Variants in CASK observed in about 807,000 individuals in gnomAD.
CASK encodes the protein calcium/calmodulin dependent serine protein kinase, also known as peripheral plasma membrane protein CASK.
In CASK, 4 loss-of-function variants were observed where a neutral mutation model predicts 82.9. The observed-to-expected ratio is 0.05, with a 90% CI of 0.02 to 0.11. The LOEUF is 0.11. CASK is among the 10% of genes least tolerant of loss of function. The pLI, the probability that CASK is intolerant of heterozygous loss-of-function variation, is 1.00. For synonymous variants in CASK, 259 were observed against 253.5 expected, an observed-to-expected ratio of 1.02 and a Z score of -0.20; for missense variants, 358 against 720.9, an observed-to-expected ratio of 0.50 and a Z score of 5.76.
intron 5 of CASK, among the ~76,000 whole-genome samples, chrX:41,708,540 G>A (rs1442028775): frequency 1.8e-5 from 2 of 111,995 alleles, no homozygotes; most frequent in Non-Finnish European, 3.8e-5. Flanking sequence ...GGGCAGATGA[G>A]TGGCACCGGG....
chrX:41,895,003 C>T (rs1414584664), intron 1 of CASK, among the ~76,000 whole-genome samples: 1 of 111,479 alleles, frequency 9.0e-6, no homozygotes, highest in Non-Finnish European at 1.9e-5. Flanking sequence ...ACTTCTCTAT[C>T]CTATTGCTCC....
chrX:41,694,727 T>C (rs1248626826), intron 5 of CASK, among the ~76,000 whole-genome samples: 1 of 111,983 alleles, frequency 8.9e-6, no homozygotes, highest in Non-Finnish European at 1.9e-5. Context: ...TGTCCAGTGA[T>C]ACAAGAGTCT....
At chrX:41,808,198 CAA>C (rs1480813451) in intron 2 of CASK, among the ~76,000 whole-genome samples, 1 of 111,829 alleles carries the variant, frequency 8.9e-6, no homozygotes, top group Non-Finnish European at 1.9e-5. Flanking sequence ...GTTACAACGG[CAA>C]TTAAATTTCA....
At chrX:41,791,185 A>G (rs765428006) in intron 2 of CASK, among the ~76,000 whole-genome samples, 6 of 109,343 alleles carry the variant, frequency 5.5e-5, no homozygotes, top group Non-Finnish European at 1.1e-4. Context: ...CTTTTGTGGA[A>G]CGGGTGGTGT....
chrX:41,886,368 G>A (rs945812435), intron 1 of CASK, among the ~76,000 whole-genome samples: 2 of 111,615 alleles, frequency 1.8e-5, no homozygotes, highest in Admixed American at 9.5e-5. Context: ...CCCTCGGAAC[G>A]TCTAGAATGT....
chrX:41,870,252 G>C (rs776204812), intron 1 of CASK, among the ~76,000 whole-genome samples: 2 of 111,777 alleles, frequency 1.8e-5, no homozygotes, highest in Admixed American at 9.4e-5. Context: ...GTAATAAAAG[G>C]ACAGAGTATC....
At chrX:41,581,889 G>A (rs2065585678) in intron 14 of CASK, among the ~76,000 whole-genome samples, 1 of 111,289 alleles carries the variant, frequency 9.0e-6, no homozygotes, top group Non-Finnish European at 1.9e-5. Context: ...AGGAGCATAG[G>A]CTTTGGCGCT....
In CASK at chrX:41,675,773, T is replaced by C. The variant is rs747873043; in HGVS notation, c.430-4243A>G. On this transcript the variant is annotated intron_variant, in intron 5 of 26. Coordinates refer to ENST00000378163, the MANE Select transcript of CASK (RefSeq NM_001367721.1). ...GAAGGCCGGTTAATTTTCCCCTCCTTCTCCTGCTTCAGCTTCGTCTCCTTG... is the reference window on the plus strand; with the variant it reads ...GAAGGCCGGTTAATTTTCCCCTCCTCCTCCTGCTTCAGCTTCGTCTCCTTG... The C allele has an allele frequency of 1.0e-3, 1,207 of 1,201,564 alleles. 2 individuals are homozygous for C. The highest frequency in any genetic ancestry group is 1.1e-3 in the Admixed American group (52 of 45,808).
intron 8 of CASK, among the ~76,000 whole-genome samples, chrX:41,657,999 T>C (rs910031628): frequency 5.4e-5 from 6 of 110,354 alleles, no homozygotes; most frequent in Non-Finnish European, 7.6e-5. Flanking sequence ...CAATGGCCGA[T>C]GGTTTAATCA....
rs1038067273 is a variant in CASK, at chrX:41,516,090, C to T, written c.*4330G>A. ...AGAGCTAAGACTTAGGAGTGCTGGC[C>T]CCAGAGATGGTGCGGCCCTCTTTCT... is the stretch of plus-strand genomic sequence containing the variant. On this transcript the variant is annotated 3_prime_UTR_variant, in exon 27 of 27. Transcript: ENST00000378163. The T allele has an allele frequency of 8.9e-6, 1 of 112,443 alleles. No individual in the cohort carries two copies. Among genetic ancestry groups the T allele is most frequent in the Admixed American group, 9.4e-5 (1 of 10,629 alleles). 9.3% of individuals were successfully genotyped at this position (112,443 alleles called of 1,213,427 possible). A position where few individuals can be genotyped will look rare whatever the true frequency, so the allele number is the denominator to read the frequency against.
chrX:41,877,763 T>A (rs2071853665), intron 1 of CASK, among the ~76,000 whole-genome samples: 1 of 111,496 alleles, frequency 9.0e-6, no homozygotes, highest in African/African-American at 3.3e-5. Flanking sequence ...TAAGAAATCA[T>A]TTAACAATTC....
chrX:41,795,399 G>A (rs761638310), intron 2 of CASK, among the ~76,000 whole-genome samples: 12 of 112,167 alleles, frequency 1.1e-4, no homozygotes, highest in Non-Finnish European at 1.5e-4. Context: ...ACGGTAGCTC[G>A]TGCCTGTAAT....
intron 1 of CASK, among the ~76,000 whole-genome samples, chrX:41,915,255 A>C (rs2072653721): frequency 8.9e-6 from 1 of 111,810 alleles, no homozygotes; most frequent in African/African-American, 3.3e-5. Flanking sequence ...CAGCATTTCA[A>C]GCAATGTAAA....
chrX:41,823,490 A>C (rs1389676677), intron 2 of CASK, among the ~76,000 whole-genome samples: 2 of 109,879 alleles, frequency 1.8e-5, no homozygotes, highest in Non-Finnish European at 3.8e-5. Context: ...TCCTATATTT[A>C]TTTTCCCTGC....
chrX:41,700,861 T>C (rs2067780517), intron 5 of CASK, among the ~76,000 whole-genome samples: 1 of 94,546 alleles, frequency 1.1e-5, no homozygotes, highest in Non-Finnish European at 2.0e-5. Flanking sequence ...ATTACAGGCA[T>C]TGAGCCACCA....
At chrX:41,752,737 C>T (rs1383967374) in intron 3 of CASK, among the ~76,000 whole-genome samples, 2 of 111,938 alleles carry the variant, frequency 1.8e-5, no homozygotes, top group Non-Finnish European at 3.8e-5. Context: ...TAGGTCCAAT[C>T]TTACAGGTTA....
At chrX:41,862,542 GAA>G (rs35462461) in intron 1 of CASK, among the ~76,000 whole-genome samples, 265 of 32,843 alleles carry the variant, frequency 8.1e-3, no homozygotes, top group Non-Finnish European at 0.011. Context: ...CTCTGTCTCA[GAA>G]AAAAAAAAAA....
At chrX:41,728,076 T>C in intron 5 of CASK, 1 of 778,278 alleles carries the variant, frequency 1.3e-6, no homozygotes, top group Non-Finnish European at 1.8e-6. Flanking sequence ...AGAAAAGCAT[T>C]CATGTGACTT....
intron 2 of CASK, among the ~76,000 whole-genome samples, chrX:41,829,626 G>GA (rs2070743066): frequency 3.3e-5 from 1 of 30,725 alleles, no homozygotes; most frequent in Non-Finnish European, 5.1e-5. Context: ...TTTTTGGGGG[G>GA]GTGGGGGTGA....
Sources: gnomAD v4.1 joint callset for allele counts (sites outside exome capture counted in the v4.1 genomes callset) on GRCh38, gnomAD v4.1.1 for gene constraint, MANE v1.5 for transcripts, NCBI Gene and HGNC (gene_info 2026-07-23, HGNC 2026-07-21) for gene names.